CLSTN2: variants seen among roughly 807,000 people sequenced by gnomAD.
CLSTN2 encodes the protein calsyntenin 2.
Under a neutral mutation model 101.2 loss-of-function variants are expected in CLSTN2, and 48 were observed. The ratio of observed to expected loss-of-function variants is 0.47; its 90% CI spans 0.38 to 0.60. CLSTN2 has a LOEUF of 0.60. CLSTN2 is among the 20% of genes least tolerant of loss of function. The pLI, the probability that CLSTN2 is intolerant of heterozygous loss-of-function variation, is 0.00. For missense variants in CLSTN2, 1,160 were observed against 1,238.2 expected (o/e 0.94, Z 0.95); for synonymous variants, 481 against 463.6 (o/e 1.04, Z -0.48).
At chr3:140,432,127 C>T (rs347335) in intron 5 of CLSTN2, among the ~76,000 whole-genome samples, 46,972 of 151,822 alleles carry the variant, frequency 0.31, 7,776 homozygotes, top group East Asian at 0.66. Flanking sequence ...CAGTGGGGTG[C>T]GGTAGAAAGT....
intron 1 of CLSTN2, among the ~76,000 whole-genome samples, chr3:139,959,014 G>A (rs1435738184): frequency 1.3e-5 from 2 of 151,882 alleles, no homozygotes; most frequent in Non-Finnish European, 2.9e-5. Flanking sequence ...AGGAAGGGGA[G>A]GCACTGGTGG....
At chr3:140,413,674 T>G (rs149595329) in intron 4 of CLSTN2, among the ~76,000 whole-genome samples, 520 of 152,204 alleles carry the variant, frequency 3.4e-3, no homozygotes, top group Non-Finnish European at 5.6e-3. Flanking sequence ...GCAAACCAAA[T>G]TCAACAGCAC....
intron 7 of CLSTN2, among the ~76,000 whole-genome samples, chr3:140,465,697 T>G (rs1933681149): frequency 6.6e-6 from 1 of 152,196 alleles, no homozygotes; most frequent in Admixed American, 6.5e-5. Context: ...AGCTTCAATG[T>G]CATGATATAG....
intron 1 of CLSTN2, among the ~76,000 whole-genome samples, chr3:140,104,832 G>A (rs746565466): frequency 6.6e-6 from 1 of 152,188 alleles, no homozygotes; most frequent in Non-Finnish European, 1.5e-5. Context: ...AAATTAGCCA[G>A]GCATGGTGAT....
In CLSTN2 at chr3:140,044,136, C is replaced by T. The variant is rs1166394925; in HGVS notation, c.109+108653C>T. ...ACCTTGGGCAGTATGGCCATTTTCA[C>T]GATATTGATTCTTCCTATCCATGAG... is the stretch of plus-strand genomic sequence containing the variant. On this transcript the variant is annotated intron_variant, in intron 1 of 16. Coordinates refer to ENST00000458420, the MANE Select transcript of CLSTN2 (RefSeq NM_022131.3). 1.4e-4 allele frequency among the ~76,000 whole-genome samples: 21 copies of T among 152,172 alleles called. 1 individual carries two copies. Among genetic ancestry groups the T allele is most frequent in the South Asian group, 6.2e-4 (3 of 4,822 alleles).
chr3:139,952,012 G>A (rs1352819636), intron 1 of CLSTN2, among the ~76,000 whole-genome samples: 2 of 152,244 alleles, frequency 1.3e-5, no homozygotes, highest in East Asian at 3.9e-4. Context: ...GTGTTTCTAA[G>A]AGAGAGGCTG....
intron 2 of CLSTN2, among the ~76,000 whole-genome samples, chr3:140,363,573 G>A (rs1373348167): frequency 6.6e-6 from 1 of 152,188 alleles, no homozygotes; most frequent in Admixed American, 6.5e-5. Context: ...CATGGCAGCT[G>A]ACAGTGGAAA....
intron 2 of CLSTN2, among the ~76,000 whole-genome samples, chr3:140,394,589 A>G (rs535611840): frequency 2.0e-4 from 31 of 152,048 alleles, no homozygotes; most frequent in Non-Finnish European, 4.1e-4. Flanking sequence ...ATACCCAGAA[A>G]CAACACCTAT....
chr3:139,957,788 C>T (rs1935437776), intron 1 of CLSTN2, among the ~76,000 whole-genome samples: 1 of 152,164 alleles, frequency 6.6e-6, no homozygotes, highest in African/African-American at 2.4e-5. Flanking sequence ...AAGCTAAGAC[C>T]AGCCTGTTTG....
intron 1 of CLSTN2, among the ~76,000 whole-genome samples, chr3:140,022,083 A>T (rs745766482): frequency 2.6e-5 from 4 of 152,208 alleles, no homozygotes; most frequent in Non-Finnish European, 5.9e-5. Context: ...TCCAGTGTGG[A>T]GGACTCACTG....
chr3:140,366,819 T>A (rs1348080601), intron 2 of CLSTN2, among the ~76,000 whole-genome samples: 1 of 152,230 alleles, frequency 6.6e-6, no homozygotes, highest in East Asian at 1.9e-4. Context: ...TTTTCCCTTG[T>A]AGCGTCAGGG....
rs534013960 is a variant in CLSTN2, at chr3:140,088,784, C to G, written c.110-87167C>G. On this transcript the variant is annotated intron_variant, in intron 1 of 16. Transcript: ENST00000458420. Reference sequence around the variant, plus strand: ...TTCTTCCTGGACCCAGCAAGGGAGGCCTTCACAGCTTGCAGTGGAATATCT... The same window carrying G: ...TTCTTCCTGGACCCAGCAAGGGAGGGCTTCACAGCTTGCAGTGGAATATCT... Among the ~76,000 whole-genome samples the G allele has an allele frequency of 2.0e-5, 3 of 152,268 alleles. No homozygotes were observed. In the East Asian group the frequency reaches 5.8e-4, roughly 29 times the overall value.
At chr3:140,442,783 G>A (rs1026945318) in intron 5 of CLSTN2, among the ~76,000 whole-genome samples, 1 of 152,086 alleles carries the variant, frequency 6.6e-6, no homozygotes, top group African/African-American at 2.4e-5. Context: ...TACTGGCCCT[G>A]GGATTAAATC....
intron 12 of CLSTN2, among the ~76,000 whole-genome samples, chr3:140,559,394 C>T (rs139117574): frequency 0.011 from 1,661 of 152,192 alleles, 14 homozygotes; most frequent in Non-Finnish European, 0.017. Context: ...AGTTAGGTCT[C>T]ATTCAGCAAT....
intron 2 of CLSTN2, among the ~76,000 whole-genome samples, chr3:140,389,286 C>CCT (rs2088086451): frequency 6.6e-6 from 1 of 152,130 alleles, no homozygotes; most frequent in African/African-American, 2.4e-5. Flanking sequence ...TGACGTGCTC[C>CCT]CTCCTCCCAC....
intron 8 of CLSTN2, among the ~76,000 whole-genome samples, chr3:140,515,842 C>A (rs1229445350): frequency 6.6e-6 from 1 of 151,964 alleles, no homozygotes; most frequent in Non-Finnish European, 1.5e-5. Context: ...CTGTAAATAT[C>A]TGTTAAGTCC....
intron 1 of CLSTN2, among the ~76,000 whole-genome samples, chr3:140,030,546 C>T (rs1275270186): frequency 1.3e-5 from 2 of 152,142 alleles, no homozygotes; most frequent in Non-Finnish European, 2.9e-5. Flanking sequence ...GTGGTAGACT[C>T]AGAGAACACT....
chr3:140,273,246 C>A (rs1158590715), intron 2 of CLSTN2, among the ~76,000 whole-genome samples: 2 of 152,046 alleles, frequency 1.3e-5, no homozygotes, highest in South Asian at 4.2e-4. Flanking sequence ...AGCATTAGGA[C>A]AAATACCTAA....
chr3:140,112,947 G>T (rs2009179999), intron 1 of CLSTN2, among the ~76,000 whole-genome samples: 2 of 152,096 alleles, frequency 1.3e-5, no homozygotes, highest in Non-Finnish European at 2.9e-5. Context: ...ACAGAAAATG[G>T]CTCATAATGT....
Sources: gnomAD v4.1 joint callset for allele counts (sites outside exome capture counted in the v4.1 genomes callset) on GRCh38, gnomAD v4.1.1 for gene constraint, MANE v1.5 for transcripts, NCBI Gene and HGNC (gene_info 2026-07-23, HGNC 2026-07-21) for gene names.